WDR1: variants seen among roughly 807,000 people sequenced by gnomAD.
WDR1 encodes WD repeat-containing protein 1.
A neutral mutation model predicts 71.9 loss-of-function variants in WDR1; 21 were observed. The ratio of observed to expected loss-of-function variants is 0.29; its 90% CI spans 0.21 to 0.42. The LOEUF (loss-of-function observed/expected upper bound fraction) is 0.42, where lower values mean the gene tolerates loss of function less well. Among genes scored for constraint, WDR1 ranks in the 10% least tolerant of loss-of-function variants. The pLI is 1.00. For missense variants in WDR1, 696 were observed against 824.5 expected (o/e 0.84, Z 1.91); for synonymous variants, 424 against 347.4 (o/e 1.22, Z -2.45).
At chr4:10,079,463 C>G (rs1764932217) in intron 11 of WDR1, among the ~76,000 whole-genome samples, 1 of 152,248 alleles carries the variant, frequency 6.6e-6, no homozygotes. Context: ...GGTGCTTATG[C>G]TGCACGCCCA....
At chr4:10,105,406 G>A (rs1196152760) in intron 2 of WDR1, among the ~76,000 whole-genome samples, 1 of 152,206 alleles carries the variant, frequency 6.6e-6, no homozygotes, top group Non-Finnish European at 1.5e-5. Flanking sequence ...TGATATAATA[G>A]ACACCAGTCA....
chr4:10,116,041 G>A (rs1024454112), intron 2 of WDR1, 72 bp downstream of exon 2: 3 of 1,561,030 alleles, frequency 1.9e-6, no homozygotes, highest in East Asian at 2.4e-5. Context: ...GTGAGAAGTG[G>A]AGAGGAAGGC....
At chr4:10,106,129 C>A (rs1374163530) in intron 2 of WDR1, among the ~76,000 whole-genome samples, 1 of 152,000 alleles carries the variant, frequency 6.6e-6, no homozygotes, top group Non-Finnish European at 1.5e-5. Flanking sequence ...GGGCGGGGGG[C>A]ACCCTCCGGA....
rs532494837 is a variant in WDR1 at position 10,080,165 on chromosome 4, C to A, written c.1285-1164G>T. 9.8e-5 allele frequency among the ~76,000 whole-genome samples: 15 copies of A among 152,322 alleles called. No individual in the cohort carries two copies. In the East Asian group the frequency reaches 2.7e-3, roughly 28 times the overall value. ...CCTTTCTAACCTCCTGGGCAGCAGG[C>A]GCCAGCTGGGCCAGTCTGAACATCC... On this transcript the variant is annotated intron_variant, in intron 11 of 14. Coordinates refer to ENST00000499869, the MANE Select transcript of WDR1 (RefSeq NM_017491.5).
chr4:10,085,214 C>T (rs1765165950), intron 8 of WDR1, among the ~76,000 whole-genome samples: 1 of 152,232 alleles, frequency 6.6e-6, no homozygotes, highest in East Asian at 1.9e-4. Flanking sequence ...TGCCTTTCTC[C>T]TGCAAAGGGA....
chr4:10,102,349 T>C (rs566009090), intron 3 of WDR1, among the ~76,000 whole-genome samples: 2 of 152,290 alleles, frequency 1.3e-5, no homozygotes, highest in South Asian at 4.1e-4. Flanking sequence ...TCGAAAACCA[T>C]GTGCTGGAAA....
At chr4:10,116,259 G>C (rs1445434213) in intron 1 of WDR1, 25 bp from the exon 2 acceptor site, 3 of 1,612,644 alleles carry the variant, frequency 1.9e-6, no homozygotes, top group Non-Finnish European at 2.5e-6. Context: ...ATGCGGCGGG[G>C]CATGTCAGGG....
At chr4:10,097,233 C>G (rs559105879) in intron 5 of WDR1, among the ~76,000 whole-genome samples, 1 of 152,386 alleles carries the variant, frequency 6.6e-6, no homozygotes, top group East Asian at 1.9e-4. Flanking sequence ...CACATTTCTT[C>G]CACAAAGTAT....
At position 10,083,088 on chromosome 4, in the gene WDR1, C is replaced by T. The variant is rs1292527017; in HGVS notation, c.1130G>A (p.Gly377Glu). ...QVSRMTVDESGQLISCSMDDT... is the reference protein window; with the variant it reads ...QVSRMTVDESEQLISCSMDDT... ...GTCCATGCTGCAGCTGATGAGCTGC[C>T]CCGACTCATCCACGGTCATCCTGGA... The change falls in exon 10 of 15, where the codon GGG becomes GAG. Residue 377 changes from glycine to glutamate, a missense_variant. Physicochemically the swap from Gly to Glu is moderately conservative, Grantham distance 98. Coordinates refer to ENST00000499869, the MANE Select transcript of WDR1 (RefSeq NM_017491.5). 2 of 1,613,760 alleles carry T rather than the reference C, an allele frequency of 1.2e-6. No individual in the cohort carries two copies. Among genetic ancestry groups the T allele is most frequent in the Non-Finnish European group, 1.7e-6 (2 of 1,179,882 alleles).
At chr4:10,082,968 C>G in intron 10 of WDR1, 54 bp downstream of exon 10, 2 of 1,564,884 alleles carry the variant, frequency 1.3e-6, no homozygotes, top group Non-Finnish European at 1.7e-6. Flanking sequence ...GGCACAAGCC[C>G]TCCGAGGGGA....
At chr4:10,078,136 G>A (rs1033277917) in intron 12 of WDR1, among the ~76,000 whole-genome samples, 3 of 152,200 alleles carry the variant, frequency 2.0e-5, no homozygotes, top group Non-Finnish European at 2.9e-5. Flanking sequence ...GTACCTCGGG[G>A]CACCGCTGGT....
In WDR1 at chr4:10,077,797, C is replaced by A. The variant is rs757170926; in HGVS notation, c.1525G>T (p.Ala509Ser). ...HDGAFLAVCD[A>S]SKVVTVFSVA... ...CTGAACACTGTGACCACCTTGCTGGCGTCGCACACCGCGAGGAAGGCGCCG... is the reference window on the plus strand; with the variant it reads ...CTGAACACTGTGACCACCTTGCTGGAGTCGCACACCGCGAGGAAGGCGCCG... The change falls in exon 13 of 15, where the codon GCC (alanine) becomes TCC (serine). Residue 509 changes from alanine (A) to serine (S), a missense_variant. By Grantham distance (99) the Ala-to-Ser change is moderately conservative. Transcript: ENST00000499869. 5 of 1,603,116 alleles carry A rather than the reference C, an allele frequency of 3.1e-6. No individual in the cohort carries two copies. Among genetic ancestry groups the A allele is most frequent in the Non-Finnish European group, 4.3e-6 (5 of 1,175,110 alleles).
intron 2 of WDR1, among the ~76,000 whole-genome samples, chr4:10,107,412 G>GGTA (rs1489648703): frequency 6.6e-6 from 1 of 152,146 alleles, no homozygotes; most frequent in African/African-American, 2.4e-5. Context: ...CCACCAAGCC[G>GGTA]GTAGTCTTCA....
chr4:10,102,024 T>C (rs1479796377), intron 3 of WDR1, among the ~76,000 whole-genome samples: 2 of 152,202 alleles, frequency 1.3e-5, no homozygotes, highest in Admixed American at 1.3e-4. Flanking sequence ...AAATGCCTAC[T>C]ATGAGCCAGA....
At chr4:10,084,827 G>A (rs917431536) in intron 8 of WDR1, among the ~76,000 whole-genome samples, 11 of 152,218 alleles carry the variant, frequency 7.2e-5, no homozygotes, top group African/African-American at 2.4e-4. Context: ...GGCCCAGCAC[G>A]TCAGCACCTG....
chr4:10,082,882 G>A, intron 10 of WDR1, 140 bp downstream of exon 10: 1 of 1,148,068 alleles, frequency 8.7e-7, no homozygotes, highest in Non-Finnish European at 1.2e-6. Context: ...CCAACAACAG[G>A]AGAACAATGC....
chr4:10,082,211 C>G (rs1443467882), intron 10 of WDR1, among the ~76,000 whole-genome samples: 4 of 152,234 alleles, frequency 2.6e-5, no homozygotes, highest in Non-Finnish European at 4.4e-5. Flanking sequence ...GATGCCCAGT[C>G]TGCCAGGCAG....
At chr4:10,085,134 G>C (rs79962359) in intron 8 of WDR1, among the ~76,000 whole-genome samples, 3,756 of 152,354 alleles carry the variant, frequency 0.025, 158 homozygotes, top group African/African-American at 0.086. Context: ...GCTGCTTCCA[G>C]AGGGCGGCGT....
At chr4:10,116,378 G>C (rs908518785) in intron 1 of WDR1, 144 bp from the exon 2 acceptor site, 1 of 1,257,354 alleles carries the variant, frequency 8.0e-7, no homozygotes, top group Non-Finnish European at 1.1e-6. Flanking sequence ...CGAGCGCCAG[G>C]AACCGCGCGA....
Sources: allele counts gnomAD v4.1 joint callset (sites outside exome capture counted in the v4.1 genomes callset), GRCh38; gene constraint gnomAD v4.1.1; transcripts MANE v1.5; gene names NCBI Gene and HGNC (gene_info 2026-07-23, HGNC 2026-07-21).